AHI1: variants seen among roughly 807,000 people sequenced by gnomAD.
The protein encoded by AHI1 is Abelson helper integration site 1.
AHI1 carries 123 observed loss-of-function variants against 149.3 expected under a neutral mutation model. The ratio of observed to expected loss-of-function variants is 0.82; its 90% CI spans 0.71 to 0.96. The LOEUF (loss-of-function observed/expected upper bound fraction) is 0.96, where lower values mean the gene tolerates loss of function less well. Ranked by LOEUF, AHI1 falls within the 40% of genes least tolerant of loss-of-function variation. AHI1 has a pLI of 0.00. For synonymous variants in AHI1, 475 were observed against 459.8 expected (o/e 1.03, Z -0.42); for missense variants, 1,439 against 1,422.7 (o/e 1.01, Z -0.18).
intron 19 of AHI1, among the ~76,000 whole-genome samples, chr6:135,427,522 A>T (rs1053079757): frequency 2.6e-5 from 4 of 151,546 alleles, no homozygotes; most frequent in Non-Finnish European, 5.9e-5. Flanking sequence ...TCTACTTTCT[A>T]CCTCTTCAAT....
At chr6:135,315,990 T>C (rs1204848583) in intron 26 of AHI1, among the ~76,000 whole-genome samples, 1 of 152,172 alleles carries the variant, frequency 6.6e-6, no homozygotes, top group East Asian at 1.9e-4. Flanking sequence ...CTCTGCATTC[T>C]AGGATACTGA....
Position 135,428,748 on chromosome 6 carries a change from C to T in AHI1, c.2504G>A (p.Arg835Lys), listed in dbSNP as rs767879919. 2.3e-5 allele frequency: 37 copies of T among 1,602,398 alleles called. No individual in the cohort carries two copies. Among genetic ancestry groups the T allele is most frequent in the Middle Eastern group, 1.7e-4 (1 of 6,052 alleles). ...ATAATTTGCTGCTCCTACAAACTTCCTTGCTACTAATCTACAAGCAAAAAA... is the reference window on the plus strand; with the variant it reads ...ATAATTTGCTGCTCCTACAAACTTCTTTGCTACTAATCTACAAGCAAAAAA... ...RIMDLRILVARKFVGAANYRE... is the reference protein window; with the variant it reads ...RIMDLRILVAKKFVGAANYRE... The change falls in exon 19 of 29, where the codon AGG becomes AAG. Residue 835 changes from arginine (R) to lysine (K), a missense_variant. Transcript: ENST00000265602.
At position 135,433,177 on chromosome 6, in the gene AHI1, G is replaced by A; in HGVS notation, c.2116C>T (p.His706Tyr). ...HPSFVYTAKF[H>Y]PAVRELVVTG... The stretch of plus-strand genomic sequence containing the variant: ...ACTACTAGCTCTCTTACAGCTGGAT[G>A]GAATTTAGCCGTGTAAACAAAAGAA... The change falls in exon 16 of 29, where the codon CAT becomes TAT. Residue 706 changes from histidine to tyrosine, a missense_variant. By Grantham distance (83) the His-to-Tyr change is moderately conservative. Transcript: ENST00000265602. 6.2e-7 allele frequency: 1 copy of A among 1,613,124 alleles called. No individual in the cohort carries two copies. The highest frequency in any genetic ancestry group is 8.5e-7 in the Non-Finnish European group (1 of 1,179,210).
intron 26 of AHI1, among the ~76,000 whole-genome samples, chr6:135,307,706 TATAA>T (rs1354198174): frequency 1.3e-5 from 2 of 150,940 alleles, no homozygotes; most frequent in African/African-American, 4.8e-5. Context: ...CTTTAATACT[TATAA>T]GTGTTTTTTC....
chr6:135,374,170 G>T (rs1432239159), intron 23 of AHI1, among the ~76,000 whole-genome samples: 7 of 141,226 alleles, frequency 5.0e-5, no homozygotes, highest in African/African-American at 1.9e-4. Flanking sequence ...CTGGAGTGCA[G>T]TGGCGCAATC....
chr6:135,371,690 A>G (rs1054213212), intron 23 of AHI1, among the ~76,000 whole-genome samples: 1 of 152,178 alleles, frequency 6.6e-6, no homozygotes, highest in African/African-American at 2.4e-5. Flanking sequence ...ATTTGAAGTC[A>G]TATAGTTTAG....
At chr6:135,326,284 G>A (rs1787670426) in intron 24 of AHI1, among the ~76,000 whole-genome samples, 1 of 152,126 alleles carries the variant, frequency 6.6e-6, no homozygotes, top group South Asian at 2.1e-4. Flanking sequence ...AACAGGACTG[G>A]CATTTTTATA....
intron 7 of AHI1, among the ~76,000 whole-genome samples, chr6:135,464,237 C>A (rs1201767733): frequency 6.6e-6 from 1 of 151,984 alleles, no homozygotes; most frequent in Non-Finnish European, 1.5e-5. Flanking sequence ...TCAAATTAGT[C>A]ATTCCAGAAA....
chr6:135,430,259 T>C (rs900854637), intron 17 of AHI1, among the ~76,000 whole-genome samples: 37 of 151,952 alleles, frequency 2.4e-4, no homozygotes, highest in Admixed American at 2.2e-3. Context: ...TTTCCCAAAA[T>C]TTGGTCAGTC....
intron 26 of AHI1, chr6:135,305,172 C>T (rs1206891605): frequency 1.3e-5 from 2 of 152,116 alleles, no homozygotes; most frequent in African/African-American, 2.4e-5. Context: ...AAGTTCGTTC[C>T]CTTCAATTCA....
chr6:135,406,276 AT>A (rs1261537669), intron 21 of AHI1, among the ~76,000 whole-genome samples: 1 of 152,180 alleles, frequency 6.6e-6, no homozygotes, highest in East Asian at 1.9e-4. Context: ...ATACCTATTA[AT>A]TTTTTTATCT....
chr6:135,311,924 C>T (rs1390577106), intron 26 of AHI1, among the ~76,000 whole-genome samples: 1 of 152,174 alleles, frequency 6.6e-6, no homozygotes, highest in Non-Finnish European at 1.5e-5. Context: ...CAGTGAAGAG[C>T]CAGCAACAAA....
intron 24 of AHI1, among the ~76,000 whole-genome samples, chr6:135,356,332 G>C (rs1430166328): frequency 6.6e-6 from 1 of 152,070 alleles, no homozygotes; most frequent in East Asian, 1.9e-4. Flanking sequence ...GCCCTTTAAA[G>C]AAAATAAGAG....
At chr6:135,463,374 A>G in intron 7 of AHI1, 68 bp from the exon 8 acceptor site, 2 of 1,266,442 alleles carry the variant, frequency 1.6e-6, no homozygotes, top group Non-Finnish European at 2.2e-6. Context: ...TCATGATGCA[A>G]CAGAGTGAAC....
chr6:135,324,945 T>C (rs1444545728), intron 24 of AHI1, among the ~76,000 whole-genome samples: 1 of 152,202 alleles, frequency 6.6e-6, no homozygotes, highest in Non-Finnish European at 1.5e-5. Flanking sequence ...CTGGCTCAAA[T>C]GCAATGCCTA....
intron 21 of AHI1, among the ~76,000 whole-genome samples, chr6:135,410,363 C>T (rs907852566): frequency 3.9e-5 from 6 of 152,176 alleles, no homozygotes; most frequent in Admixed American, 2.6e-4. Context: ...AAGTGAGACC[C>T]TGTCTCTAAA....
chr6:135,370,416 T>C (rs1305369309), intron 23 of AHI1, among the ~76,000 whole-genome samples: 2 of 152,218 alleles, frequency 1.3e-5, no homozygotes, highest in East Asian at 3.8e-4. Flanking sequence ...GGAGAACTGA[T>C]AGGCGGAGAG....
Position 135,411,369 on chromosome 6 carries a change from T to C in AHI1, c.2940A>G (p.Lys980=). The stretch of plus-strand genomic sequence containing the variant: ...TTACTGTGACAGTTTCAAGCCTCTG[T>C]TTTACTAGCTGCATCTTCGTTGAAG... ...ESSSTKMQLV[K]QRLETVTEVI... The change falls in exon 21 of 29, where the codon AAA becomes AAG. Residue 980 remains lysine, a synonymous_variant. Transcript: ENST00000265602. The C allele has an allele frequency of 1.2e-6, 2 of 1,613,804 alleles. No homozygotes were observed. Among genetic ancestry groups the C allele is most frequent in the Non-Finnish European group, 1.7e-6 (2 of 1,179,730 alleles).
Position 135,411,267 on chromosome 6 carries a change from T to C in AHI1, c.2961+81A>G, listed in dbSNP as rs1781545163. On this transcript the variant is annotated intron_variant, in intron 21 of 28. Coordinates refer to ENST00000265602, the MANE Select transcript of AHI1 (RefSeq NM_001134831.2). ...AATTTTAAGTAATTAACTTACTTCA[T>C]TAAATGAATATTTATTGGCATGGCA... The C allele has an allele frequency of 4.6e-6, 6 of 1,314,114 alleles. No homozygotes were observed. The Middle Eastern group carries it at 7.4e-4, about 162-fold the overall frequency. The allele number at this position is 1,314,114 out of a possible 1,614,324, so 81.4% of individuals were successfully genotyped here.
Sources: gnomAD v4.1 joint callset for allele counts (sites outside exome capture counted in the v4.1 genomes callset) on GRCh38, gnomAD v4.1.1 for gene constraint, MANE v1.5 for transcripts, NCBI Gene and HGNC (gene_info 2026-07-23, HGNC 2026-07-21) for gene names.